CFAP54: variants seen among roughly 807,000 people sequenced by gnomAD.
The protein encoded by CFAP54 is cilia and flagella associated protein 54.
A neutral mutation model predicts 370.4 loss-of-function variants in CFAP54; 290 were observed. The ratio of observed to expected loss-of-function variants is 0.78; its 90% CI spans 0.71 to 0.86. The LOEUF (loss-of-function observed/expected upper bound fraction) is 0.86. Among genes scored for constraint, CFAP54 ranks in the 40% least tolerant of loss-of-function variants. CFAP54 has a pLI of 0.00. For missense variants in CFAP54, 3,399 were observed against 3,528.7 expected, an observed-to-expected ratio of 0.96 and a Z score of 0.93; for synonymous variants, 1,206 against 1,236.5, an observed-to-expected ratio of 0.98 and a Z score of 0.52.
intron 11 of CFAP54, among the ~76,000 whole-genome samples, chr12:96,535,292 C>T (rs140816576): frequency 1.3e-4 from 20 of 152,182 alleles, no homozygotes; most frequent in South Asian, 2.1e-4. Context: ...TCAAGTGATC[C>T]GTCTGCCTCA....
At chr12:96,615,023 T>A (rs1956400029) in intron 26 of CFAP54, among the ~76,000 whole-genome samples, 1 of 152,162 alleles carries the variant, frequency 6.6e-6, no homozygotes, top group South Asian at 2.1e-4. Flanking sequence ...TTAAAGTTCA[T>A]ATGGAACCAA....
At position 96,812,011 on chromosome 12, in the gene CFAP54, C is replaced by T. The variant is rs182250823; in HGVS notation, c.8957+169C>T. Among the ~76,000 whole-genome samples, 498 of 152,320 alleles carry T rather than the reference C, an allele frequency of 3.3e-3. 4 individuals are homozygous for T. Among genetic ancestry groups the T allele is most frequent in the African/African-American group, 0.011 (471 of 41,578 alleles). On this transcript the variant is annotated intron_variant, in intron 64 of 67. Coordinates refer to ENST00000524981, the MANE Select transcript of CFAP54 (RefSeq NM_001306084.2). ...ATATTGCAGTGCTTAAGGGCATGAA[C>T]TCTGAATCCTGCCTGCTTCATTCAA... is the stretch of plus-strand genomic sequence containing the variant.
At chr12:96,491,975 G>A (rs1592810142) in intron 1 of CFAP54, among the ~76,000 whole-genome samples, 2 of 152,230 alleles carry the variant, frequency 1.3e-5, no homozygotes, top group East Asian at 3.9e-4. Context: ...GGCCAGGCTG[G>A]TCTCAAACTC....
At chr12:96,715,078 T>G (rs536645598) in intron 48 of CFAP54, among the ~76,000 whole-genome samples, 17 of 152,290 alleles carry the variant, frequency 1.1e-4, no homozygotes, top group African/African-American at 3.6e-4. Context: ...CTGTGGTTTC[T>G]TCATTGGAAT....
intron 26 of CFAP54, among the ~76,000 whole-genome samples, chr12:96,619,099 T>C (rs1378240327): frequency 1.3e-5 from 2 of 152,174 alleles, no homozygotes; most frequent in African/African-American, 4.8e-5. Flanking sequence ...CCTGAGCTCA[T>C]GCAATCCACC....
intron 32 of CFAP54, among the ~76,000 whole-genome samples, chr12:96,642,744 C>T (rs1592902439): frequency 6.6e-6 from 1 of 152,176 alleles, no homozygotes; most frequent in African/African-American, 2.4e-5. Flanking sequence ...TATGGCTTCA[C>T]ATCACTGAGG....
At chr12:96,823,957 C>G (rs56310943) in intron 65 of CFAP54, among the ~76,000 whole-genome samples, 1 of 151,936 alleles carries the variant, frequency 6.6e-6, no homozygotes, top group Non-Finnish European at 1.5e-5. Context: ...AGTTTTTTCT[C>G]CCCCCACCCA....
chr12:96,564,014 G>A (rs1035135923), intron 17 of CFAP54, among the ~76,000 whole-genome samples: 1 of 152,180 alleles, frequency 6.6e-6, no homozygotes, highest in Non-Finnish European at 1.5e-5. Flanking sequence ...ATCAGCCACA[G>A]CTGGAAGATA....
intron 9 of CFAP54, among the ~76,000 whole-genome samples, chr12:96,531,408 T>C (rs565475683): frequency 2.0e-5 from 3 of 152,168 alleles, no homozygotes; most frequent in Non-Finnish European, 2.9e-5. Flanking sequence ...GGTTTAGTAA[T>C]GCAGCAGATA....
chr12:96,493,825 A>G (rs1298116978), intron 1 of CFAP54, among the ~76,000 whole-genome samples: 1 of 152,202 alleles, frequency 6.6e-6, no homozygotes, highest in Non-Finnish European at 1.5e-5. Flanking sequence ...AACAAAACAA[A>G]GAAATGATAA....
At chr12:96,752,085 T>TGAGAGACAGAGAGAGAGA (rs1555318323) in intron 55 of CFAP54, among the ~76,000 whole-genome samples, 8 of 90,624 alleles carry the variant, frequency 8.8e-5, no homozygotes, top group African/African-American at 3.1e-4. Context: ...TCTTCCTGGA[T>TGAGAGACAGAGAGAGAGA]GAGAGAGAGA....
chr12:96,784,000 T>TGA (rs1157434719), intron 60 of CFAP54, among the ~76,000 whole-genome samples: 1 of 152,236 alleles, frequency 6.6e-6, no homozygotes, highest in Non-Finnish European at 1.5e-5. Flanking sequence ...GGATTTGAAC[T>TGA]GAGACTCCAC....
intron 63 of CFAP54, among the ~76,000 whole-genome samples, chr12:96,802,571 A>G (rs1442717203): frequency 6.6e-6 from 1 of 152,128 alleles, no homozygotes; most frequent in Non-Finnish European, 1.5e-5. Context: ...CACCCATATG[A>G]CACCAGCTGC....
intron 17 of CFAP54, among the ~76,000 whole-genome samples, chr12:96,555,766 T>C (rs2136402202): frequency 6.6e-6 from 1 of 151,936 alleles, no homozygotes; most frequent in Non-Finnish European, 1.5e-5. Flanking sequence ...TGAAGGTAGA[T>C]TGTGTTTATT....
intron 50 of CFAP54, among the ~76,000 whole-genome samples, chr12:96,724,807 A>G (rs1279736283): frequency 6.6e-6 from 1 of 152,160 alleles, no homozygotes; most frequent in Non-Finnish European, 1.5e-5. Flanking sequence ...TTATGGTTTT[A>G]GGTCTAACGT....
At position 96,651,804 on chromosome 12, in the gene CFAP54, A is replaced by T. The variant is rs767709326; in HGVS notation, c.5089A>T (p.Ser1697Cys). The T allele has an allele frequency of 8.2e-6, 13 of 1,578,430 alleles. No homozygotes were observed. The highest frequency in any genetic ancestry group is 1.7e-5 in the Admixed American group (1 of 59,780). ...CATGTTAATACAACTACAAAATACC[A>T]GTTCTATTAAGGTAAAGACACTTTG... ...IDMLIQLQNT[S>C]SIKPIEDKGE... The change falls in exon 36 of 68, where the codon AGT becomes TGT. Residue 1697 changes from serine (S) to cysteine (C), a missense_variant. Physicochemically the swap from Ser to Cys is moderately radical, Grantham distance 112. Coordinates refer to ENST00000524981, the MANE Select transcript of CFAP54 (RefSeq NM_001306084.2).
intron 58 of CFAP54, among the ~76,000 whole-genome samples, chr12:96,758,295 GA>G (rs1474913308): frequency 1.3e-5 from 2 of 152,128 alleles, no homozygotes; most frequent in Non-Finnish European, 2.9e-5. Flanking sequence ...AATTATAAAG[GA>G]AAGAGATTTA....
chr12:96,501,028 A>G, intron 2 of CFAP54, 89 bp downstream of exon 2: 1 of 686,670 alleles, frequency 1.5e-6, no homozygotes, highest in Non-Finnish European at 2.2e-6. Flanking sequence ...CCTATTTTAC[A>G]TGTTTTGATT....
intron 32 of CFAP54, among the ~76,000 whole-genome samples, chr12:96,638,205 ATGTGTGTGTGTG>A (rs756775917): frequency 1.3e-4 from 16 of 122,656 alleles, no homozygotes; most frequent in African/African-American, 2.5e-4. Flanking sequence ...ATATATATGC[ATGTGTGTGTGTG>A]TGTGTGTGTG....
Sources: allele counts gnomAD v4.1 joint callset (sites outside exome capture counted in the v4.1 genomes callset), GRCh38; gene constraint gnomAD v4.1.1; transcripts MANE v1.5; gene names NCBI Gene and HGNC (gene_info 2026-07-23, HGNC 2026-07-21).